The following ARHGAP26 variants were observed in gnomAD, a reference collection of about 807,000 sequenced individuals.
ARHGAP26 encodes rho GTPase-activating protein 26.
In ARHGAP26, 38 loss-of-function variants were observed where a neutral mutation model predicts 104.8. The observed-to-expected ratio is 0.36, with a 90% CI of 0.28 to 0.48. ARHGAP26 has a LOEUF of 0.48. Ranked by LOEUF, ARHGAP26 falls within the 20% of genes least tolerant of loss-of-function variation. ARHGAP26 has a pLI of 0.99. For synonymous variants in ARHGAP26, 341 were observed against 340.0 expected (o/e 1.00, Z -0.03); for missense variants, 704 against 947.9 (o/e 0.74, Z 3.38).
intron 11 of ARHGAP26, among the ~76,000 whole-genome samples, chr5:142,952,511 C>T (rs1768557607): frequency 6.6e-6 from 1 of 152,106 alleles, no homozygotes; most frequent in African/African-American, 2.4e-5. Context: ...GCCTTGATAC[C>T]TTGGTGGAGG....
chr5:143,094,238 C>G (rs1326481975), intron 17 of ARHGAP26, among the ~76,000 whole-genome samples: 1 of 152,238 alleles, frequency 6.6e-6, no homozygotes, highest in African/African-American at 2.4e-5. Flanking sequence ...GTCCGGACCA[C>G]CAAGGAAATA....
At chr5:142,988,691 T>G (rs1344578925) in intron 11 of ARHGAP26, among the ~76,000 whole-genome samples, 1 of 152,230 alleles carries the variant, frequency 6.6e-6, no homozygotes, top group Admixed American at 6.5e-5. Flanking sequence ...GTATGTTGTG[T>G]CTTTGTTCTC....
intron 14 of ARHGAP26, among the ~76,000 whole-genome samples, chr5:143,046,553 G>A (rs1784265738): frequency 1.3e-5 from 2 of 152,128 alleles, no homozygotes; most frequent in African/African-American, 4.8e-5. Context: ...CTTCCTCCTA[G>A]CAACAGAAGT....
intron 11 of ARHGAP26, among the ~76,000 whole-genome samples, chr5:142,983,643 T>A (rs139413467): frequency 1.9e-4 from 29 of 152,320 alleles, no homozygotes; most frequent in African/African-American, 7.0e-4. Context: ...TAAACTATAT[T>A]TTTTGACTGA....
chr5:143,173,727 C>T (rs1326061868), intron 20 of ARHGAP26, among the ~76,000 whole-genome samples: 2 of 152,084 alleles, frequency 1.3e-5, no homozygotes, highest in African/African-American at 4.8e-5. Flanking sequence ...CTTTTTTGTC[C>T]AAAGACTATG....
At chr5:142,965,039 G>GGCCCTTCCCTGCCTGGCAGCCAAGGC (rs1456844033) in intron 11 of ARHGAP26, among the ~76,000 whole-genome samples, 6 of 152,166 alleles carry the variant, frequency 3.9e-5, no homozygotes, top group Non-Finnish European at 7.4e-5. Flanking sequence ...CTGGACAAGG[G>GGCCCTTCCCTGCCTGGCAGCCAAGGC]GCCCTTCCCT....
chr5:143,051,639 A>G (rs1342701776), intron 14 of ARHGAP26, among the ~76,000 whole-genome samples: 3 of 152,168 alleles, frequency 2.0e-5, no homozygotes, highest in African/African-American at 2.4e-5. Context: ...TTGGATTTTA[A>G]ATGAATTAAA....
chr5:143,218,695 A>G (rs979849738), intron 22 of ARHGAP26, among the ~76,000 whole-genome samples: 16 of 152,210 alleles, frequency 1.1e-4, no homozygotes, highest in African/African-American at 3.6e-4. Flanking sequence ...AGAGCCACTC[A>G]GGCAGCTTGT....
At chr5:143,177,788 T>C (rs1483503938) in intron 20 of ARHGAP26, among the ~76,000 whole-genome samples, 4 of 152,170 alleles carry the variant, frequency 2.6e-5, no homozygotes, top group South Asian at 2.1e-4. Flanking sequence ...TGCTCTAAGC[T>C]GTAACGTAGG....
chr5:142,900,241 G>C (rs890634154), intron 6 of ARHGAP26, among the ~76,000 whole-genome samples: 3 of 152,142 alleles, frequency 2.0e-5, no homozygotes, highest in Non-Finnish European at 4.4e-5. Flanking sequence ...ATTTTGTATA[G>C]AATAAGCCCA....
chr5:142,919,389 G>C (rs1024962641), intron 10 of ARHGAP26: 2 of 398,418 alleles, frequency 5.0e-6, no homozygotes, highest in African/African-American at 4.1e-5. Context: ...AGGAACCCTT[G>C]ATCTTGAACT....
chr5:142,855,561 C>T (rs1752214957), intron 1 of ARHGAP26, among the ~76,000 whole-genome samples: 1 of 152,234 alleles, frequency 6.6e-6, no homozygotes, highest in African/African-American at 2.4e-5. Context: ...CTCTGTCCAA[C>T]CATCTGTGTG....
chr5:143,167,482 C>CAAAAAA lies in ARHGAP26; in HGVS notation c.1988+20132_1988+20137dup, dbSNP rs6149274. On this transcript the variant is annotated intron_variant, in intron 20 of 22. Coordinates refer to ENST00000645722, the MANE Select transcript of ARHGAP26 (RefSeq NM_001135608.3). ...TGCATGACAGAGCAAGACTCCATCTCAAAAAAAAAAAAAAAAAAAAAAAAA... is the reference window on the plus strand; with the variant it reads ...TGCATGACAGAGCAAGACTCCATCTCAAAAAAAAAAAAAAAAAAAAAAAAAAAAAAA... Among the ~76,000 whole-genome samples the CAAAAAA allele has an allele frequency of 2.5e-4, 15 of 60,086 alleles. 1 individual carries two copies. The highest frequency in any genetic ancestry group is 2.1e-3 in the East Asian group (5 of 2,362). 39.4% of individuals were successfully genotyped at this position (60,086 alleles called of 152,430 possible).
chr5:143,085,666 C>T (rs1267491980), intron 17 of ARHGAP26, among the ~76,000 whole-genome samples: 1 of 152,148 alleles, frequency 6.6e-6, no homozygotes, highest in East Asian at 1.9e-4. Flanking sequence ...TTGAGGATAG[C>T]GGCAGCAGAT....
intron 1 of ARHGAP26, among the ~76,000 whole-genome samples, chr5:142,816,305 A>G (rs1014389218): frequency 2.6e-5 from 4 of 152,208 alleles, no homozygotes; most frequent in African/African-American, 9.6e-5. Context: ...CTGGATAAAT[A>G]TGTGTTGATG....
chr5:142,992,649 G>A (rs755929116), intron 11 of ARHGAP26, among the ~76,000 whole-genome samples: 1 of 151,884 alleles, frequency 6.6e-6, no homozygotes, highest in Non-Finnish European at 1.5e-5. Flanking sequence ...GGATGGTCTC[G>A]ATCTCCTGAC....
intron 12 of ARHGAP26, among the ~76,000 whole-genome samples, chr5:143,028,401 T>A (rs1290840710): frequency 2.0e-5 from 3 of 152,214 alleles, no homozygotes; most frequent in Non-Finnish European, 4.4e-5. Context: ...CTCATTACAC[T>A]CATTAGTGTG....
At chr5:143,168,445 C>CTTGTTTTTTTTT (rs1802320680) in intron 20 of ARHGAP26, 1 of 25,670 alleles carries the variant, frequency 3.9e-5, no homozygotes, top group Non-Finnish European at 6.9e-5. Context: ...ATCTGGAACT[C>CTTGTTTTTTTTT]TTTTTTTTTT....
intron 2 of ARHGAP26, among the ~76,000 whole-genome samples, chr5:142,874,296 A>G (rs529149435): frequency 1.3e-5 from 2 of 152,336 alleles, no homozygotes; most frequent in Non-Finnish European, 2.9e-5. Context: ...CTATTCTTCT[A>G]TAGGCACCTT....
Sources: gnomAD v4.1 joint callset for allele counts (sites outside exome capture counted in the v4.1 genomes callset) on GRCh38, gnomAD v4.1.1 for gene constraint, MANE v1.5 for transcripts, NCBI Gene and HGNC (gene_info 2026-07-23, HGNC 2026-07-21) for gene names.